The following CDK11A variants were observed in gnomAD, a reference collection of about 807,000 sequenced individuals.
CDK11A encodes the protein cyclin-dependent kinase 11A.
A neutral mutation model predicts 83.6 loss-of-function variants in CDK11A; 55 were observed. The observed-to-expected ratio is 0.66, with a 90% CI of 0.53 to 0.82. The LOEUF (loss-of-function observed/expected upper bound fraction) is 0.82. Ranked by LOEUF, CDK11A falls within the 40% of genes least tolerant of loss-of-function variation. CDK11A has a pLI of 0.00. For synonymous variants in CDK11A, 247 were observed against 302.7 expected (o/e 0.82, Z 1.91); for missense variants, 564 against 810.1 (o/e 0.70, Z 3.69).
In CDK11A at chr1:1,703,876, TTC is replaced by T. The variant is rs764151919; in HGVS notation, c.1857_1858del (p.Lys620AlafsTer24). The T allele has an allele frequency of 8.7e-6, 14 of 1,609,802 alleles. 2 individuals carry two copies. The highest frequency in any genetic ancestry group is 1.2e-5 in the Non-Finnish European group (14 of 1,176,992). On this transcript the variant is annotated frameshift_variant, in exon 17 of 20. Coordinates refer to ENST00000404249, the MANE Select transcript of CDK11A (RefSeq NM_024011.4). LOFTEE classifies it high-confidence loss of function. The stretch of plus-strand genomic sequence containing the variant: ...TTCCGAATTCCCGGGGAACAGAGGC[TTC>T]TGAGTCAGCAGCTCCCCGAAGATGC...
At chr1:1,719,934 A>C (rs1644841122) in intron 3 of CDK11A, among the ~76,000 whole-genome samples, 1 of 149,690 alleles carries the variant, frequency 6.7e-6, no homozygotes, top group South Asian at 2.1e-4. Context: ...TAAGATTCAG[A>C]TGAAAAATGT....
rs1158926998 is a variant in CDK11A, at chr1:1,708,279, C to G, written c.1004-34G>C. ...GAAAGGAGGCGTCTGCTCAGACCAG[C>G]ACCGGGGCGAGTGCTGCCACAGGCA... On this transcript the variant is annotated intron_variant, in intron 9 of 19. Coordinates refer to ENST00000404249, the MANE Select transcript of CDK11A (RefSeq NM_024011.4). 8.4e-6 allele frequency: 12 copies of G among 1,431,866 alleles called. No homozygotes were observed. In the South Asian group the frequency reaches 1.7e-4, roughly 20 times the overall value. The allele number at this position is 1,431,866 out of a possible 1,614,324, so 88.7% of individuals were successfully genotyped here. A position where few individuals can be genotyped will look rare whatever the true frequency, so the allele number is the denominator to read the frequency against.
intron 6 of CDK11A, among the ~76,000 whole-genome samples, chr1:1,710,752 C>T (rs1367723651): frequency 2.7e-5 from 4 of 146,942 alleles, no homozygotes; most frequent in African/African-American, 5.0e-5. Context: ...AAGAAAATGA[C>T]GCGTGAACAC....
At position 1,702,471 on chromosome 1, in the gene CDK11A, G is replaced by A. The variant is rs1644124251; in HGVS notation, c.*436C>T. Among the ~76,000 whole-genome samples, 1 of 120,036 alleles carries A rather than the reference G, an allele frequency of 8.3e-6. No individual in the cohort carries two copies. Among genetic ancestry groups the A allele is most frequent in the African/African-American group, 2.8e-5 (1 of 35,126 alleles). The allele number at this position is 120,036 out of a possible 152,430, so 78.7% of individuals were successfully genotyped here. A position where few individuals can be genotyped will look rare whatever the true frequency, so the allele number is the denominator to read the frequency against. ...TCTGCTGGCACAGCTGGGGCTGGGG[G>A]TTGGGGGCCGGGGGCCTGTGTGGAC... On this transcript the variant is annotated 3_prime_UTR_variant, in exon 20 of 20. Coordinates refer to ENST00000404249, the MANE Select transcript of CDK11A (RefSeq NM_024011.4).
rs1304687982 is a variant in CDK11A at position 1,703,534 on chromosome 1, T to G, written c.2002A>C (p.Asn668His). 1.3e-6 allele frequency: 2 copies of G among 1,564,226 alleles called. No homozygotes were observed. The highest frequency in any genetic ancestry group is 8.6e-7 in the Non-Finnish European group (1 of 1,165,296). ...KMTFSEHPYN[N>H]LRKRFGALLS... Reference sequence around the variant, plus strand: ...AGAGCCCCGAAGCGCTTGCGGAGGTTGTTGTAGGGGTGCTCGCTGAAGGTC... The same window carrying G: ...AGAGCCCCGAAGCGCTTGCGGAGGTGGTTGTAGGGGTGCTCGCTGAAGGTC... The change falls in exon 18 of 20, where the codon AAC (asparagine) becomes CAC (histidine). Residue 668 changes from asparagine (N) to histidine (H), a missense_variant. Asn to His is a moderately conservative substitution (Grantham distance 68, BLOSUM62 1). Transcript: ENST00000404249.
At chr1:1,716,833 A>G (rs1298128604) in intron 4 of CDK11A, among the ~76,000 whole-genome samples, 1 of 146,776 alleles carries the variant, frequency 6.8e-6, no homozygotes, top group East Asian at 2.0e-4. Flanking sequence ...AAAAAAAAAA[A>G]AAAAAAAAAA....
intron 6 of CDK11A, 102 bp downstream of exon 6, chr1:1,712,162 C>G: frequency 1.3e-6 from 1 of 789,810 alleles, no homozygotes; most frequent in Non-Finnish European, 1.9e-6. Context: ...GGGCGAAAAG[C>G]AAGCACCGGA....
chr1:1,720,309 G>T lies in CDK11A; in HGVS notation c.228-854C>A, dbSNP rs12044814. ...AGACGGAGTTTCACTGTGTTAGCCA[G>T]GGTGGTCTCGATCTCCTGACCTTGT... On this transcript the variant is annotated intron_variant, in intron 3 of 19. Coordinates refer to ENST00000404249, the MANE Select transcript of CDK11A (RefSeq NM_024011.4). Among the ~76,000 whole-genome samples the T allele has an allele frequency of 5.3e-4, 79 of 149,098 alleles. 2 individuals are homozygous for T. The highest frequency in any genetic ancestry group is 1.1e-3 in the Non-Finnish European group (73 of 67,040).
rs200224067 is a variant in CDK11A, at chr1:1,716,454, C to G, written c.380G>C (p.Arg127Thr). The change falls in exon 5 of 20, where the codon AGA becomes ACA. Residue 127 changes from arginine to threonine, a missense_variant. Arg to Thr is a moderately conservative substitution (Grantham distance 71). Coordinates refer to ENST00000404249, the MANE Select transcript of CDK11A (RefSeq NM_024011.4). ...ATGTCGTTTCCGACGTTCGTGCTCT[C>G]TTTCTTTCACTCTAGCATGCTTCCC... ...EGGKHARVKEREHERRKRHRE... is the reference protein window; with the variant it reads ...EGGKHARVKETEHERRKRHRE... 6.2e-7 allele frequency: 1 copy of G among 1,608,800 alleles called. No homozygotes were observed. Among genetic ancestry groups the G allele is most frequent in the East Asian group, 2.2e-5 (1 of 44,780 alleles).
Position 1,717,499 on chromosome 1 carries a change from G to A in CDK11A, c.356-1021C>T, listed in dbSNP as rs1280758292. ...TTTTCTCCTATACTTGTTGAATTCA[G>A]GTCATTTTAAATGTAAACAAACTGC... is the stretch of plus-strand genomic sequence containing the variant. On this transcript the variant is annotated intron_variant, in intron 4 of 19. Transcript: ENST00000404249. 4.6e-5 allele frequency among the ~76,000 whole-genome samples: 7 copies of A among 151,280 alleles called. No individual in the cohort carries two copies. In the East Asian group the frequency reaches 1.4e-3, roughly 29 times the overall value.
At chr1:1,717,353 A>G (rs924221378) in intron 4 of CDK11A, among the ~76,000 whole-genome samples, 15 of 144,514 alleles carry the variant, frequency 1.0e-4, no homozygotes, top group Non-Finnish European at 1.7e-4. Context: ...TGAGATTTCA[A>G]TCGGGCTCCA....
rs748460635 is a variant in CDK11A at position 1,703,981 on chromosome 1, C to A, written c.1795-41G>T. 15 of 1,607,324 alleles carry A rather than the reference C, an allele frequency of 9.3e-6. 2 individuals are homozygous for A. Among genetic ancestry groups the A allele is most frequent in the African/African-American group, 5.4e-5 (4 of 74,446 alleles). On this transcript the variant is annotated intron_variant, in intron 16 of 19. Transcript: ENST00000404249. ...AGGTGTTCAGGAAGGCCAGTGCCCG[C>A]GAAGCTGTGGGAGGCTGCATGGGGG...
At chr1:1,718,868 C>T (rs1351209692) in intron 4 of CDK11A, among the ~76,000 whole-genome samples, 2 of 150,266 alleles carry the variant, frequency 1.3e-5, no homozygotes, top group African/African-American at 4.9e-5. Flanking sequence ...GATCTCCTGA[C>T]CTTGTGATCC....
At chr1:1,723,520 A>C (rs1158182655) in intron 1 of CDK11A, among the ~76,000 whole-genome samples, 4 of 59,290 alleles carry the variant, frequency 6.7e-5, no homozygotes, top group East Asian at 3.9e-4. Flanking sequence ...AAAAAAAAAA[A>C]AAACAAGAAT....
chr1:1,710,456 G>A (rs1644459856), intron 6 of CDK11A, among the ~76,000 whole-genome samples: 2 of 81,264 alleles, frequency 2.5e-5, no homozygotes, highest in South Asian at 1.0e-3. Flanking sequence ...ACAACAGGCC[G>A]ACCCCACAGA....
At position 1,722,243 on chromosome 1, in the gene CDK11A, A is replaced by ACT. The variant is rs1341007442; in HGVS notation, c.111+463_111+464dup. 2.0e-5 allele frequency among the ~76,000 whole-genome samples: 3 copies of ACT among 151,302 alleles called. No individual in the cohort carries two copies. The East Asian group carries it at 5.8e-4, about 29-fold the overall frequency. On this transcript the variant is annotated intron_variant, in intron 2 of 19. Transcript: ENST00000404249. ...AAAGTGAAGTGCAAGGTATGCCTGT[A>ACT]CTCACTAACATCCCAAATGATGCTA...
chr1:1,716,766 G>A (rs1644669965), intron 4 of CDK11A, among the ~76,000 whole-genome samples: 1 of 135,086 alleles, frequency 7.4e-6, no homozygotes, highest in Non-Finnish European at 1.5e-5. Flanking sequence ...GGTGAGCCGA[G>A]ATCGTGCCAC....
rs1406159915 is a variant in CDK11A at position 1,707,328 on chromosome 1, G to A, written c.1245+81C>T. 1.1e-5 allele frequency: 15 copies of A among 1,423,384 alleles called. 1 individual carries two copies. The highest frequency in any genetic ancestry group is 6.9e-5 in the Admixed American group (3 of 43,440). 88.2% of individuals were successfully genotyped at this position (1,423,384 alleles called of 1,614,324 possible). A position where few individuals can be genotyped will look rare whatever the true frequency, so the allele number is the denominator to read the frequency against. The stretch of plus-strand genomic sequence containing the variant: ...CCTGTGAGGCGACAGACGCCAACAC[G>A]GGGGCCAGGCTTCGCTCAGCCCCTG... On this transcript the variant is annotated intron_variant, in intron 11 of 19. Transcript: ENST00000404249.
At chr1:1,718,824 G>T (rs1967676) in intron 4 of CDK11A, among the ~76,000 whole-genome samples, 120,767 of 149,942 alleles carry the variant, frequency 0.81, 51,132 homozygotes, top group Non-Finnish European at 0.93. Context: ...TTTTAGTAGA[G>T]ACTGGGTTTC....
Sources: allele counts gnomAD v4.1 joint callset (sites outside exome capture counted in the v4.1 genomes callset), GRCh38; gene constraint gnomAD v4.1.1; transcripts MANE v1.5; gene names NCBI Gene and HGNC (gene_info 2026-07-23, HGNC 2026-07-21).